Variants in METTL15 observed in about 807,000 individuals in gnomAD.
METTL15 encodes 12S rRNA N(4)-cytidine methyltransferase METTL15.
In METTL15, 34 loss-of-function variants were observed where a neutral mutation model predicts 38.3. The observed-to-expected ratio is 0.89, with a 90% CI of 0.68 to 1.18. METTL15 has a LOEUF of 1.18. METTL15 is among the 50% of genes most tolerant of loss of function. The pLI is 0.00. For missense variants in METTL15, 438 were observed against 498.4 expected, an observed-to-expected ratio of 0.88 and a Z score of 1.15; for synonymous variants, 162 against 170.9, an observed-to-expected ratio of 0.95 and a Z score of 0.41.
chr11:28,285,097 C>T (rs1015665998), intron 4 of METTL15, among the ~76,000 whole-genome samples: 2 of 152,070 alleles, frequency 1.3e-5, no homozygotes, highest in South Asian at 4.1e-4. Flanking sequence ...TCCCTCCCGC[C>T]CTGTGAAGAA....
chr11:28,233,755 C>A (rs1017670736), intron 4 of METTL15, among the ~76,000 whole-genome samples: 1 of 151,970 alleles, frequency 6.6e-6, no homozygotes, highest in African/African-American at 2.4e-5. Flanking sequence ...GTTATGCCAT[C>A]AGTTGTCTAT....
chr11:28,186,136 A>G (rs1455439623), intron 3 of METTL15, among the ~76,000 whole-genome samples: 4 of 151,056 alleles, frequency 2.6e-5, no homozygotes, highest in Non-Finnish European at 5.9e-5. Flanking sequence ...AAAGACAGTA[A>G]TTCAGGGAAC....
At chr11:28,465,236 C>T (rs2133458709) in intron 6 of METTL15, among the ~76,000 whole-genome samples, 1 of 152,254 alleles carries the variant, frequency 6.6e-6, no homozygotes, top group South Asian at 2.1e-4. Flanking sequence ...TTCCTTGGTA[C>T]CACACTCTCT....
chr11:28,310,965 G>GTGGTGGTGGTGGTGGGGTGTGT (rs1565244523), intron 6 of METTL15, among the ~76,000 whole-genome samples: 1 of 77,484 alleles, frequency 1.3e-5, no homozygotes, highest in African/African-American at 6.1e-5. Flanking sequence ...GGTGGTGGTG[G>GTGGTGGTGGTGGTGGGGTGTGT]GTGTGTGTGT....
intron 6 of METTL15, among the ~76,000 whole-genome samples, chr11:28,470,840 T>G (rs1232134847): frequency 6.6e-6 from 1 of 152,106 alleles, no homozygotes; most frequent in East Asian, 1.9e-4. Context: ...TCCTGTATAA[T>G]GCAGGGCTGA....
In METTL15 at chr11:28,378,128, C is replaced by A. The variant is rs1850339370; in HGVS notation, c.*358+16092C>A. ...CTTTTTGTTTGTCTGTGCCCTGCCC[C>A]CAGAGGTGGAGCCTACAGAGGCAGG... On this transcript the variant is annotated intron_variant and NMD_transcript_variant, in intron 5 of 7. Transcript: ENST00000532947. Among the ~76,000 whole-genome samples the A allele has an allele frequency of 2.0e-5, 3 of 152,078 alleles. No individual in the cohort carries two copies. The South Asian group carries it at 6.2e-4, about 32-fold the overall frequency.
chr11:28,149,631 G>T (rs1850010858), intron 3 of METTL15, among the ~76,000 whole-genome samples: 1 of 151,932 alleles, frequency 6.6e-6, no homozygotes, highest in South Asian at 2.1e-4. Context: ...GGATAGGCAA[G>T]GAGTGGCTGA....
intron 6 of METTL15, among the ~76,000 whole-genome samples, chr11:28,305,606 T>G (rs1011853167): frequency 6.6e-6 from 1 of 152,154 alleles, no homozygotes; most frequent in Admixed American, 6.6e-5. Context: ...TAGATCCCTT[T>G]CTTATGATTA....
intron 6 of METTL15, among the ~76,000 whole-genome samples, chr11:28,523,105 A>T (rs1851777662): frequency 6.6e-6 from 1 of 152,240 alleles, no homozygotes; most frequent in Non-Finnish European, 1.5e-5. Context: ...TTACTTTATT[A>T]TAATTCTAAT....
downstream of METTL15, among the ~76,000 whole-genome samples, chr11:28,337,739 C>T (rs1255934974): frequency 6.6e-6 from 1 of 152,036 alleles, no homozygotes; most frequent in Non-Finnish European, 1.5e-5. Context: ...TACACAAATA[C>T]CATTGTATTA....
chr11:28,167,309 C>G (rs1392075020), intron 3 of METTL15, among the ~76,000 whole-genome samples: 2 of 152,180 alleles, frequency 1.3e-5, no homozygotes, highest in African/African-American at 4.8e-5. Context: ...CTCTCAGAAT[C>G]AGCAAGAACA....
chr11:28,441,636 G>A (rs376710006), intron 6 of METTL15, among the ~76,000 whole-genome samples: 6 of 151,882 alleles, frequency 4.0e-5, no homozygotes, highest in Non-Finnish European at 8.8e-5. Flanking sequence ...TTTCCTGAAC[G>A]ACAACAATAG....
At chr11:28,308,107 T>C (rs1213486393) in intron 6 of METTL15, among the ~76,000 whole-genome samples, 2 of 152,108 alleles carry the variant, frequency 1.3e-5, no homozygotes, top group Non-Finnish European at 2.9e-5. Flanking sequence ...TTTGCAGATA[T>C]CATTTCATTA....
At chr11:28,353,628 A>T (rs1850060921) in intron 4 of METTL15, among the ~76,000 whole-genome samples, 4 of 152,170 alleles carry the variant, frequency 2.6e-5, no homozygotes, top group Admixed American at 2.6e-4. Context: ...TAAGTATGTA[A>T]GTGTAATAAG....
chr11:28,110,526 CTCT>C (rs920098496), intron 2 of METTL15, 125 bp downstream of exon 2: 4 of 152,256 alleles, frequency 2.6e-5, no homozygotes, highest in African/African-American at 7.2e-5. Flanking sequence ...CCCTCTCCCT[CTCT>C]TCAACACGCC....
At chr11:28,424,309 T>C (rs1391993533) in exon 6 of METTL15, 1 of 152,200 alleles carries the variant, frequency 6.6e-6, no homozygotes, top group Non-Finnish European at 1.5e-5. Context: ...GCTGCACATG[T>C]TCTTCGGAAA....
chr11:28,368,305 GA>G (rs1164079205), intron 5 of METTL15, among the ~76,000 whole-genome samples: 1 of 151,710 alleles, frequency 6.6e-6, no homozygotes. Flanking sequence ...AAATTTTCAA[GA>G]AAAAAACAAA....
intron 6 of METTL15, among the ~76,000 whole-genome samples, chr11:28,431,992 G>T (rs928941137): frequency 9.9e-5 from 15 of 152,056 alleles, no homozygotes; most frequent in Non-Finnish European, 5.9e-5. Flanking sequence ...ATTCTATTAG[G>T]AATGGAGGAA....
At chr11:28,269,565 G>T (rs1365056154) in intron 4 of METTL15, among the ~76,000 whole-genome samples, 1 of 152,024 alleles carries the variant, frequency 6.6e-6, no homozygotes, top group Non-Finnish European at 1.5e-5. Flanking sequence ...TATGGATATG[G>T]ATGTTGATTA....
Sources: allele counts gnomAD v4.1 joint callset (sites outside exome capture counted in the v4.1 genomes callset), GRCh38; gene constraint gnomAD v4.1.1; transcripts MANE v1.5; gene names NCBI Gene and HGNC (gene_info 2026-07-23, HGNC 2026-07-21).